The following GALNT3 variants were observed in gnomAD, a reference collection of about 807,000 sequenced individuals.
GALNT3 encodes the protein GalNAc transferase 3.
In GALNT3, 51 loss-of-function variants were observed where a neutral mutation model predicts 69.8. The observed-to-expected ratio is 0.73, with a 90% CI of 0.58 to 0.92. The LOEUF is 0.92. Among genes scored for constraint, GALNT3 ranks in the 40% least tolerant of loss-of-function variants. GALNT3 has a pLI of 0.00. For missense variants in GALNT3, 711 were observed against 760.0 expected (o/e 0.94, Z 0.76); for synonymous variants, 265 against 248.5 (o/e 1.07, Z -0.63).
At chr2:165,756,538 C>T (rs1457073509) in intron 7 of GALNT3, among the ~76,000 whole-genome samples, 1 of 152,042 alleles carries the variant, frequency 6.6e-6, no homozygotes, top group Non-Finnish European at 1.5e-5. Context: ...ACTCCATGTC[C>T]AGCCACCTTG....
chr2:165,788,316 C>CA (rs59428597), intron 1 of GALNT3, among the ~76,000 whole-genome samples: 3,230 of 48,210 alleles, frequency 0.067, 81 homozygotes, highest in Middle Eastern at 0.13. Flanking sequence ...GACATCACCT[C>CA]AAAAAAAAAA....
rs750872521 is a variant in GALNT3, at chr2:165,770,607, T to C, written c.94A>G (p.Ile32Val). 2 of 1,603,700 alleles carry C rather than the reference T, an allele frequency of 1.2e-6. No homozygotes were observed. Among genetic ancestry groups the C allele is most frequent in the Admixed American group, 1.7e-5 (1 of 58,356 alleles). The part of the protein sequence containing the change: ...KLGAVIFFFI[I>V]VLVLMQREVS... ...TCTCTTTGCATTAAAACCAAAACTA[T>C]TATAAAGAAAAAAATTACTGCACCA... The change falls in exon 2 of 11, where the codon ATA becomes GTA. Residue 32 changes from isoleucine to valine, a missense_variant. By Grantham distance (29) the Ile-to-Val change is conservative. Transcript: ENST00000392701.
chr2:165,786,513 A>G (rs555117213), intron 1 of GALNT3, among the ~76,000 whole-genome samples: 6 of 152,354 alleles, frequency 3.9e-5, no homozygotes, highest in African/African-American at 1.4e-4. Context: ...TATGCACATC[A>G]TCCCAATTAC....
chr2:165,755,725 T>C (rs1558995044), intron 7 of GALNT3, among the ~76,000 whole-genome samples: 1 of 152,180 alleles, frequency 6.6e-6, no homozygotes. Flanking sequence ...ACAGGCAAAA[T>C]ATTAGAGAAA....
At chr2:165,771,582 G>C (rs191334106) in intron 1 of GALNT3, 5 of 152,176 alleles carry the variant, frequency 3.3e-5, no homozygotes, top group Admixed American at 2.0e-4. Flanking sequence ...TTGACCCTAA[G>C]AACAGGACAG....
chr2:165,759,078 C>A (rs993763538), intron 5 of GALNT3, among the ~76,000 whole-genome samples: 1 of 152,138 alleles, frequency 6.6e-6, no homozygotes, highest in Non-Finnish European at 1.5e-5. Context: ...ACTTAAATGT[C>A]TTCTCCTAAC....
At chr2:165,772,278 G>A (rs906698704) in intron 1 of GALNT3, among the ~76,000 whole-genome samples, 11 of 152,070 alleles carry the variant, frequency 7.2e-5, no homozygotes, top group African/African-American at 2.4e-4. Context: ...TATGTGCTAC[G>A]ACAGGAGACT....
chr2:165,767,171 T>A (rs73972167), intron 2 of GALNT3, among the ~76,000 whole-genome samples: 1,850 of 151,908 alleles, frequency 0.012, 23 homozygotes, highest in African/African-American at 0.041. Context: ...AATGACTAAA[T>A]ATAAGCTTAT....
At chr2:165,763,514 G>A (rs1688588012) in intron 3 of GALNT3, among the ~76,000 whole-genome samples, 1 of 152,036 alleles carries the variant, frequency 6.6e-6, no homozygotes, top group South Asian at 2.1e-4. Context: ...CTCAGATTAA[G>A]CTTTTAACAC....
chr2:165,753,349 A>G (rs561212233), intron 9 of GALNT3, among the ~76,000 whole-genome samples: 240 of 145,132 alleles, frequency 1.7e-3, no homozygotes, highest in Non-Finnish European at 2.3e-3. Context: ...TTTCCTTCAC[A>G]CTCTTCTTAT....
chr2:165,787,145 G>A (rs964806749), intron 1 of GALNT3, among the ~76,000 whole-genome samples: 6 of 152,208 alleles, frequency 3.9e-5, no homozygotes, highest in Non-Finnish European at 5.9e-5. Flanking sequence ...TAGGGGGAAG[G>A]ATGTGGTGAG....
intron 1 of GALNT3, among the ~76,000 whole-genome samples, chr2:165,793,117 C>G (rs1367438444): frequency 2.6e-5 from 4 of 152,136 alleles, no homozygotes; most frequent in Non-Finnish European, 4.4e-5. Context: ...CAGTTTCACC[C>G]TCAATTCTTA....
At chr2:165,785,400 G>C (rs894114277) in intron 1 of GALNT3, among the ~76,000 whole-genome samples, 2 of 152,044 alleles carry the variant, frequency 1.3e-5, no homozygotes, top group African/African-American at 4.8e-5. Flanking sequence ...AAATAGCATC[G>C]GTTACCTCTG....
At chr2:165,766,504 C>T (rs1023404313) in intron 2 of GALNT3, among the ~76,000 whole-genome samples, 1 of 152,196 alleles carries the variant, frequency 6.6e-6, no homozygotes, top group Admixed American at 6.5e-5. Context: ...GAGATAACCA[C>T]AGTGCCAAGC....
At chr2:165,785,930 T>A (rs1029692224) in intron 1 of GALNT3, among the ~76,000 whole-genome samples, 1 of 152,138 alleles carries the variant, frequency 6.6e-6, no homozygotes, top group African/African-American at 2.4e-5. Context: ...CTAAGCCAAG[T>A]GTTTTCTTAA....
intron 1 of GALNT3, among the ~76,000 whole-genome samples, chr2:165,775,377 T>G (rs2105424732): frequency 6.6e-6 from 1 of 152,240 alleles, no homozygotes; most frequent in African/African-American, 2.4e-5. Context: ...AGATTGAAAA[T>G]AAGATTGTAG....
intron 7 of GALNT3, among the ~76,000 whole-genome samples, chr2:165,756,323 T>G (rs1272583629): frequency 6.6e-6 from 1 of 152,176 alleles, no homozygotes; most frequent in Non-Finnish European, 1.5e-5. Context: ...CTAATATTAT[T>G]AAGACTATTG....
chr2:165,789,779 C>A (rs1230780777), intron 1 of GALNT3, among the ~76,000 whole-genome samples: 2 of 152,084 alleles, frequency 1.3e-5, no homozygotes, highest in Admixed American at 1.3e-4. Flanking sequence ...TAAAAGTGTA[C>A]CCCAGCAGGG....
intron 10 of GALNT3, 143 bp downstream of exon 10, chr2:165,749,599 T>C: frequency 2.5e-6 from 2 of 803,616 alleles, no homozygotes; most frequent in Non-Finnish European, 4.2e-6. Flanking sequence ...ATCACATGGG[T>C]AGAAACACAT....
Sources: gnomAD v4.1 joint callset for allele counts (sites outside exome capture counted in the v4.1 genomes callset) on GRCh38, gnomAD v4.1.1 for gene constraint, MANE v1.5 for transcripts, NCBI Gene and HGNC (gene_info 2026-07-23, HGNC 2026-07-21) for gene names.